MARCKSL1: variants seen among roughly 807,000 people sequenced by gnomAD.
The protein encoded by MARCKSL1 is MARCKS like 1, also known as MARCKS-related protein.
MARCKSL1 carries 5 observed loss-of-function variants against 13.3 expected under a neutral mutation model. The ratio of observed to expected loss-of-function variants is 0.38; its 90% confidence interval spans 0.20 to 0.79. The LOEUF is 0.79. Among genes scored for constraint, MARCKSL1 ranks in the 30% least tolerant of loss-of-function variants. The pLI, the probability that MARCKSL1 is intolerant of heterozygous loss-of-function variation, is 0.45. For synonymous variants in MARCKSL1, 126 were observed against 103.2 expected, an observed-to-expected ratio of 1.22 and a Z score of -1.34; for missense variants, 274 against 251.6, an observed-to-expected ratio of 1.09 and a Z score of -0.60.
At position 32,335,878 on chromosome 1, in the gene MARCKSL1, G is replaced by A; in HGVS notation, c.87+69C>T. The A allele has an allele frequency of 1.0e-6, 1 of 955,008 alleles. No homozygotes were observed. Among genetic ancestry groups the A allele is most frequent in the Non-Finnish European group, 1.4e-6 (1 of 737,006 alleles). The allele number at this position is 955,008 out of a possible 1,614,324, so 59.2% of individuals were successfully genotyped here. On this transcript the variant is annotated intron_variant, in intron 1 of 1. Coordinates refer to ENST00000329421, the MANE Select transcript of MARCKSL1 (RefSeq NM_023009.7). The surrounding 1 kb of genome is among the most constrained non-coding windows in gnomAD (Gnocchi z 4.1). ...GGACAAAGCGCGCGGCCCCGGCCCC[G>A]GCCCCGGGCCCTAGAAGGGGCGAGG... is the stretch of plus-strand genomic sequence containing the variant.
At position 32,336,225 on chromosome 1, in the gene MARCKSL1, C is replaced by T. The variant is rs1314229250; in HGVS notation, c.-192G>A. 3.1e-6 allele frequency: 1 copy of T among 322,046 alleles called. No homozygotes were observed. The highest frequency in any genetic ancestry group is 5.0e-5 in the Admixed American group (1 of 20,110). The allele number at this position is 322,046 out of a possible 1,614,324, so 19.9% of individuals were successfully genotyped here. A position where few individuals can be genotyped will look rare whatever the true frequency, so the allele number is the denominator to read the frequency against. On this transcript the variant is annotated 5_prime_UTR_variant, in exon 1 of 2. Transcript: ENST00000329421. ...CGCCCGCCGCCGCTCCGCTCCGCGC[C>T]AGAATGCCGCCCGCCGCCCGCCGAG... is the stretch of plus-strand genomic sequence containing the variant.
In MARCKSL1 at chr1:32,334,393, T is replaced by G. The variant is rs1315540432; in HGVS notation, c.*204A>C. The G allele has an allele frequency of 2.0e-6, 1 of 507,088 alleles. No homozygotes were observed. Among genetic ancestry groups the G allele is most frequent in the Non-Finnish European group, 3.3e-6 (1 of 305,248 alleles). 31.4% of individuals were successfully genotyped at this position (507,088 alleles called of 1,614,324 possible). A position where few individuals can be genotyped will look rare whatever the true frequency, so the allele number is the denominator to read the frequency against. On this transcript the variant is annotated 3_prime_UTR_variant, in exon 2 of 2. Transcript: ENST00000329421. The stretch of plus-strand genomic sequence containing the variant: ...CTTGGGAAGCTGTAAGGGACCATCT[T>G]CAACTGGCCTTAAGAGGAGAACCAG...
chr1:32,335,699 G>GGGGGCAGCGCCGGGGACC lies in MARCKSL1; in HGVS notation c.87+230_87+247dup, dbSNP rs1641378689. 2.0e-5 allele frequency among the ~76,000 whole-genome samples: 3 copies of GGGGGCAGCGCCGGGGACC among 151,306 alleles called. No homozygotes were observed. The highest frequency in any genetic ancestry group is 4.4e-5 in the Non-Finnish European group (3 of 67,734). On this transcript the variant is annotated intron_variant, in intron 1 of 1. Coordinates refer to ENST00000329421, the MANE Select transcript of MARCKSL1 (RefSeq NM_023009.7). The surrounding 1 kb of genome is among the most constrained non-coding windows in gnomAD (Gnocchi z 4.1). Reference sequence around the variant, plus strand: ...CCCCGCGCGGCACTCGGGGCGGCCGGGGGGCAGCGCCGGGGACCGGGGCCG... The same window carrying GGGGGCAGCGCCGGGGACC: ...CCCCGCGCGGCACTCGGGGCGGCCGGGGGGCAGCGCCGGGGACCGGGGCAGCGCCGGGGACCGGGGCCG...
rs1310419625 is a variant in MARCKSL1 at position 32,335,097 on chromosome 1, C to T, written c.88G>A (p.Glu30Lys). 3.9e-6 allele frequency: 6 copies of T among 1,522,656 alleles called. No individual in the cohort carries two copies. The highest frequency in any genetic ancestry group is 5.3e-6 in the Non-Finnish European group (6 of 1,137,090). 94.3% of individuals were successfully genotyped at this position (1,522,656 alleles called of 1,614,324 possible). Reference protein sequence around the residue: ...GASPAKANGQENGHVKSNGDL... With the variant: ...GASPAKANGQKNGHVKSNGDL... ...CCATTGCTTTTCACGTGGCCATTCT[C>T]CTGCAGGGCAGAGGGAATAGCAATG... is the stretch of plus-strand genomic sequence containing the variant. Residue 30 changes from glutamate (E) to lysine (K), a missense_variant and splice_region_variant, in exon 2 of 2, where the codon GAG becomes AAG. Glu to Lys is a moderately conservative substitution (Grantham distance 56, BLOSUM62 1). Coordinates refer to ENST00000329421, the MANE Select transcript of MARCKSL1 (RefSeq NM_023009.7). The surrounding 1 kb of genome is among the most constrained non-coding windows in gnomAD (Gnocchi z 4.1).
Position 32,334,863 on chromosome 1 carries a change from T to A in MARCKSL1, c.322A>T (p.Asn108Tyr). ...FKLSGLSFKR[N>Y]RKEGGGDSSA... The stretch of plus-strand genomic sequence containing the variant: ...GAATCACCCCCACCCTCCTTCCGAT[T>A]TCTCTTGAAGGACAGGCCGCTCAAT... The change falls in exon 2 of 2, where the codon AAT becomes TAT. Residue 108 changes from asparagine (N) to tyrosine (Y), a missense_variant. Transcript: ENST00000329421. The A allele has an allele frequency of 6.2e-7, 1 of 1,612,572 alleles. No individual in the cohort carries two copies. The highest frequency in any genetic ancestry group is 1.3e-5 in the African/African-American group (1 of 75,012).
rs766486976 is a variant in MARCKSL1, at chr1:32,334,974, T to C, written c.211A>G (p.Ser71Gly). Residue 71 changes from serine to glycine, a missense_variant, in exon 2 of 2, where the codon AGC becomes GGC. Physicochemically the swap from Ser to Gly is moderately conservative, Grantham distance 56. Transcript: ENST00000329421. ...TGDAIEPAPP[S>G]QGAEAKGEVP... ...TCCCCCTTGGCCTCAGCACCCTGGCTAGGGGGTGCTGGCTCGATGGCATCG... is the reference window on the plus strand; with the variant it reads ...TCCCCCTTGGCCTCAGCACCCTGGCCAGGGGGTGCTGGCTCGATGGCATCG... 2 of 1,611,944 alleles carry C rather than the reference T, an allele frequency of 1.2e-6. No homozygotes were observed. Among genetic ancestry groups the C allele is most frequent in the African/African-American group, 2.7e-5 (2 of 74,826 alleles).
rs567251380 is a variant in MARCKSL1 at position 32,336,180 on chromosome 1, C to T, written c.-147G>A. On this transcript the variant is annotated 5_prime_UTR_variant, in exon 1 of 2. Transcript: ENST00000329421. ...GGGAAGCCGAGCTGCACCTCCGCTC[C>T]GCGGCCGACCCGCTAGCTGCGCCCG... is the stretch of plus-strand genomic sequence containing the variant. The T allele has an allele frequency of 2.5e-5, 9 of 354,248 alleles. No homozygotes were observed. In the East Asian group the frequency reaches 3.4e-4, roughly 13 times the overall value. The allele number at this position is 354,248 out of a possible 1,614,324, so 21.9% of individuals were successfully genotyped here.
chr1:32,334,352 C>G lies in MARCKSL1; in HGVS notation c.*245G>C. 2.4e-6 allele frequency: 1 copy of G among 409,306 alleles called. No homozygotes were observed. The highest frequency in any genetic ancestry group is 4.3e-6 in the Non-Finnish European group (1 of 233,010). The allele number at this position is 409,306 out of a possible 1,614,324, so 25.4% of individuals were successfully genotyped here. The stretch of plus-strand genomic sequence containing the variant: ...GGTAGGGCCAGGGACAGGAGCATTT[C>G]ACATCACTAACCTAACTTGGGAAGC... On this transcript the variant is annotated 3_prime_UTR_variant, in exon 2 of 2. Coordinates refer to ENST00000329421, the MANE Select transcript of MARCKSL1 (RefSeq NM_023009.7).
Position 32,336,112 on chromosome 1 carries a change from CGGCGGAGGGGTGGGGCT to C in MARCKSL1, c.-96_-80del. The C allele has an allele frequency of 3.5e-6, 1 of 285,528 alleles. No homozygotes were observed. Among genetic ancestry groups the C allele is most frequent in the Non-Finnish European group, 5.0e-6 (1 of 201,796 alleles). 17.7% of individuals were successfully genotyped at this position (285,528 alleles called of 1,614,324 possible). A position where few individuals can be genotyped will look rare whatever the true frequency, so the allele number is the denominator to read the frequency against. On this transcript the variant is annotated 5_prime_UTR_variant, in exon 1 of 2. Transcript: ENST00000329421. ...GATAGTACGGCGGGGTCGGCCCGGC[CGGCGGAGGGGTGGGGCT>C]GGCGCCCGAGGGGGAGGGGTGCCGG...
At position 32,334,486 on chromosome 1, in the gene MARCKSL1, CCCTT is replaced by C; in HGVS notation, c.*107_*110del. The C allele has an allele frequency of 2.3e-6, 3 of 1,321,060 alleles. 1 individual carries two copies. The South Asian group carries it at 5.1e-5, about 22-fold the overall frequency. 81.8% of individuals were successfully genotyped at this position (1,321,060 alleles called of 1,614,324 possible). ...AACGTGGCTGGGAGGAGGCAATAGC[CCCTT>C]CCTTTCTGGGCACAGGAAGGCAGCC... On this transcript the variant is annotated 3_prime_UTR_variant, in exon 2 of 2. Transcript: ENST00000329421.
At position 32,334,444 on chromosome 1, in the gene MARCKSL1, G is replaced by A. The variant is rs1245411410; in HGVS notation, c.*153C>T. 12 of 857,880 alleles carry A rather than the reference G, an allele frequency of 1.4e-5. No individual in the cohort carries two copies. Among genetic ancestry groups the A allele is most frequent in the Non-Finnish European group, 2.0e-5 (12 of 586,902 alleles). 53.1% of individuals were successfully genotyped at this position (857,880 alleles called of 1,614,324 possible). On this transcript the variant is annotated 3_prime_UTR_variant, in exon 2 of 2. Transcript: ENST00000329421. ...ATGGCTGATGGGAGAATCCACAGGA[G>A]GGAGAGGAGGAAAGGGAACGTGGCT...
At position 32,334,680 on chromosome 1, in the gene MARCKSL1, C is replaced by A. The variant is rs367690524; in HGVS notation, c.505G>T (p.Ala169Ser). ...GATGGCTCTGTAGCCTGGGGCCCTG[C>A]CTCTTCTTCTGAGGCTGCACTAGCC... is the stretch of plus-strand genomic sequence containing the variant. ...AEASAASEEE[A>S]GPQATEPSTP... The change falls in exon 2 of 2, where the codon GCA (alanine) becomes TCA (serine). Residue 169 changes from alanine to serine, a missense_variant. By Grantham distance (99) the Ala-to-Ser change is moderately conservative. Coordinates refer to ENST00000329421, the MANE Select transcript of MARCKSL1 (RefSeq NM_023009.7). 3 of 1,611,908 alleles carry A rather than the reference C, an allele frequency of 1.9e-6. No individual in the cohort carries two copies. Among genetic ancestry groups the A allele is most frequent in the Middle Eastern group, 3.8e-4 (2 of 5,228 alleles).
Position 32,336,192 on chromosome 1 carries a change from G to C in MARCKSL1, c.-159C>G, listed in dbSNP as rs1448717916. Reference sequence around the variant, plus strand: ...TGCACCTCCGCTCCGCGGCCGACCCGCTAGCTGCGCCCGCCGCCGCTCCGC... The same window carrying C: ...TGCACCTCCGCTCCGCGGCCGACCCCCTAGCTGCGCCCGCCGCCGCTCCGC... On this transcript the variant is annotated 5_prime_UTR_variant, in exon 1 of 2. Transcript: ENST00000329421. The C allele has an allele frequency of 5.8e-6, 2 of 345,036 alleles. No homozygotes were observed. The highest frequency in any genetic ancestry group is 1.0e-5 in the Non-Finnish European group (2 of 192,414). 21.4% of individuals were successfully genotyped at this position (345,036 alleles called of 1,614,324 possible).
chr1:32,335,988 C>G lies in MARCKSL1; in HGVS notation c.46G>C (p.Glu16Gln). The G allele has an allele frequency of 7.7e-7, 1 of 1,294,978 alleles. No homozygotes were observed. Among genetic ancestry groups the G allele is most frequent in the Non-Finnish European group, 9.8e-7 (1 of 1,019,384 alleles). The allele number at this position is 1,294,978 out of a possible 1,614,324, so 80.2% of individuals were successfully genotyped here. Reference protein sequence around the residue: ...SKAPRGDVTAEEAAGASPAKA... With the variant: ...SKAPRGDVTAQEAAGASPAKA... ...GCGGGGGAAGCGCCTGCTGCCTCCT[C>G]GGCGGTCACGTCGCCCCGGGGAGCC... Residue 16 changes from glutamate (E) to glutamine (Q), a missense_variant, in exon 1 of 2, where the codon GAG becomes CAG. By Grantham distance (29) the Glu-to-Gln change is conservative (BLOSUM62 2). Transcript: ENST00000329421. The surrounding 1 kb of genome is among the most constrained non-coding windows in gnomAD (Gnocchi z 4.1).
In MARCKSL1 at chr1:32,334,658, G is replaced by A. The variant is rs758730119; in HGVS notation, c.527C>T (p.Pro176Leu). 1.9e-6 allele frequency: 3 copies of A among 1,607,982 alleles called. No individual in the cohort carries two copies. Among genetic ancestry groups the A allele is most frequent in the Non-Finnish European group, 2.5e-6 (3 of 1,177,144 alleles). ...ACTCTCCGGCCCCGAGGGAGTGGAT[G>A]GCTCTGTAGCCTGGGGCCCTGCCTC... ...EEEAGPQATE[P>L]STPSGPESGP... Residue 176 changes from proline (P) to leucine (L), a missense_variant, in exon 2 of 2, where the codon CCA becomes CTA. By Grantham distance (98) the Pro-to-Leu change is moderately conservative. Coordinates refer to ENST00000329421, the MANE Select transcript of MARCKSL1 (RefSeq NM_023009.7).
rs543048812 is a variant in MARCKSL1 at position 32,335,536 on chromosome 1, C to T, written c.87+411G>A. ...GGCCCCCACCCACCCCAGGCTCTCC[C>T]GCATCTCGGCTCCCCCTTAAAAAAA... On this transcript the variant is annotated intron_variant, in intron 1 of 1. Coordinates refer to ENST00000329421, the MANE Select transcript of MARCKSL1 (RefSeq NM_023009.7). The surrounding 1 kb of genome is among the most constrained non-coding windows in gnomAD (Gnocchi z 4.1). Among the ~76,000 whole-genome samples, 1 of 151,726 alleles carries T rather than the reference C, an allele frequency of 6.6e-6. No homozygotes were observed. Among genetic ancestry groups the T allele is most frequent in the South Asian group, 2.1e-4 (1 of 4,820 alleles).
In MARCKSL1 at chr1:32,334,831, G is replaced by A. The variant is rs775464210; in HGVS notation, c.354C>T (p.Ala118=). 1.2e-6 allele frequency: 2 copies of A among 1,612,246 alleles called. No homozygotes were observed. The highest frequency in any genetic ancestry group is 2.7e-5 in the African/African-American group (2 of 75,004). The part of the protein sequence containing the change: ...NRKEGGGDSS[A]SSPTEEEQEQ... ...CCTGCTCTTCCTCTGTGGGTGAGGAGGCAGAAGAATCACCCCCACCCTCCT... is the reference window on the plus strand; with the variant it reads ...CCTGCTCTTCCTCTGTGGGTGAGGAAGCAGAAGAATCACCCCCACCCTCCT... The change falls in exon 2 of 2, where the codon GCC becomes GCT. Residue 118 remains alanine, a synonymous_variant. Coordinates refer to ENST00000329421, the MANE Select transcript of MARCKSL1 (RefSeq NM_023009.7).
In MARCKSL1 at chr1:32,335,860, G is replaced by A; in HGVS notation, c.87+87C>T. 2.8e-6 allele frequency: 2 copies of A among 704,840 alleles called. No homozygotes were observed. Among genetic ancestry groups the A allele is most frequent in the African/African-American group, 1.9e-5 (1 of 53,494 alleles). The allele number at this position is 704,840 out of a possible 1,614,324, so 43.7% of individuals were successfully genotyped here. A position where few individuals can be genotyped will look rare whatever the true frequency, so the allele number is the denominator to read the frequency against. ...CGCCGCGTGTCCCGGGCCGGACAAA[G>A]CGCGCGGCCCCGGCCCCGGCCCCGG... On this transcript the variant is annotated intron_variant, in intron 1 of 1. Transcript: ENST00000329421. This position sits in a 1 kb window ranked among gnomAD's most constrained non-coding sequence, Gnocchi z 4.1.
chr1:32,335,895 G>A lies in MARCKSL1; in HGVS notation c.87+52C>T, dbSNP rs1641383860. On this transcript the variant is annotated intron_variant, in intron 1 of 1. Transcript: ENST00000329421. This position sits in a 1 kb window ranked among gnomAD's most constrained non-coding sequence, Gnocchi z 4.1. ...CCGGCCCCGGCCCCGGGCCCTAGAAGGGGCGAGGTGCGAGAGGAGGGGCTG... is the reference window on the plus strand; with the variant it reads ...CCGGCCCCGGCCCCGGGCCCTAGAAAGGGCGAGGTGCGAGAGGAGGGGCTG... 4 of 1,137,398 alleles carry A rather than the reference G, an allele frequency of 3.5e-6. No individual in the cohort carries two copies. Among genetic ancestry groups the A allele is most frequent in the Non-Finnish European group, 3.4e-6 (3 of 888,152 alleles). The allele number at this position is 1,137,398 out of a possible 1,614,324, so 70.5% of individuals were successfully genotyped here.
Sources: gnomAD v4.1 joint callset for allele counts (sites outside exome capture counted in the v4.1 genomes callset) on GRCh38, gnomAD v4.1.1 for gene constraint, Gnocchi (gnomAD v3.1) non-coding constraint, MANE v1.5 for transcripts, NCBI Gene and HGNC (gene_info 2026-07-23, HGNC 2026-07-21) for gene names.